Variants in CADM2 observed in about 807,000 individuals in gnomAD.
CADM2 encodes the protein immunoglobulin superfamily member 4D.
CADM2 carries 12 observed loss-of-function variants against 49.8 expected under a neutral mutation model. The ratio of observed to expected loss-of-function variants is 0.24; its 90% CI spans 0.15 to 0.39. CADM2 has a LOEUF of 0.39. Ranked by LOEUF, CADM2 falls within the 10% of genes least tolerant of loss-of-function variation. The probability of loss-of-function intolerance (pLI) is 1.00; values close to 1 mark genes in which losing one functional copy is unlikely to be tolerated. For synonymous variants in CADM2, 214 were observed against 175.4 expected, an observed-to-expected ratio of 1.22 and a Z score of -1.74; for missense variants, 378 against 492.3, an observed-to-expected ratio of 0.77 and a Z score of 2.20.
chr3:85,841,869 A>G (rs2074653779), intron 3 of CADM2, among the ~76,000 whole-genome samples: 1 of 151,930 alleles, frequency 6.6e-6, no homozygotes, highest in Non-Finnish European at 1.5e-5. Flanking sequence ...TAATTTGTCT[A>G]ATTTCCTTGG....
Position 86,068,386 on chromosome 3 carries a change from T to TA in CADM2, c.*1610dup, listed in dbSNP as rs1007470943. The TA allele has an allele frequency of 2.0e-5, 3 of 151,912 alleles. No individual in the cohort carries two copies. The highest frequency in any genetic ancestry group is 7.2e-5 in the African/African-American group (3 of 41,428). 9.4% of individuals were successfully genotyped at this position (151,912 alleles called of 1,614,324 possible). ...TAAAGAATAAAACTCCAGTTAGATT[T>TA]AAAAAAATCCCATTTACAAGCATTG... On this transcript the variant is annotated 3_prime_UTR_variant, in exon 10 of 10. Coordinates refer to ENST00000383699, the MANE Select transcript of CADM2 (RefSeq NM_001167675.2).
intron 1 of CADM2, among the ~76,000 whole-genome samples, chr3:85,178,168 T>C (rs2040835172): frequency 6.6e-6 from 1 of 151,928 alleles, no homozygotes; most frequent in Non-Finnish European, 1.5e-5. Flanking sequence ...TTTTCCTTCA[T>C]ATATATGGGT....
chr3:85,569,841 A>G (rs1209349345), intron 1 of CADM2, among the ~76,000 whole-genome samples: 1 of 152,154 alleles, frequency 6.6e-6, no homozygotes, highest in African/African-American at 2.4e-5. Context: ...GGTTGGAAGG[A>G]ATTGCTGTGT....
rs3044022 is a variant in CADM2, at chr3:85,737,562, C to CTTTT, written c.88+11024_88+11027dup. ...ATTAATTTAATTCATTCTTTTCTTT[C>CTTTT]TTTTTTTTTTTTTGAGACGGAGTTT... On this transcript the variant is annotated intron_variant, in intron 2 of 9. Coordinates refer to ENST00000383699, the MANE Select transcript of CADM2 (RefSeq NM_001167675.2). 2.8e-3 allele frequency among the ~76,000 whole-genome samples: 396 copies of CTTTT among 141,786 alleles called. 4 individuals carry two copies. Among genetic ancestry groups the CTTTT allele is most frequent in the African/African-American group, 7.6e-3 (290 of 38,386 alleles). 93.0% of individuals were successfully genotyped at this position (141,786 alleles called of 152,430 possible).
chr3:85,451,360 T>C (rs1337625235), intron 1 of CADM2, among the ~76,000 whole-genome samples: 2 of 152,126 alleles, frequency 1.3e-5, no homozygotes, highest in Non-Finnish European at 2.9e-5. Flanking sequence ...TTAATAATAA[T>C]TGTTTTAGGA....
chr3:85,656,681 A>C (rs993321065), intron 1 of CADM2, among the ~76,000 whole-genome samples: 2 of 152,164 alleles, frequency 1.3e-5, no homozygotes, highest in African/African-American at 4.8e-5. Context: ...AATTTCATAC[A>C]TGTTCAAGAA....
chr3:85,604,561 G>A (rs116308720), intron 1 of CADM2, among the ~76,000 whole-genome samples: 1 of 151,882 alleles, frequency 6.6e-6, no homozygotes, highest in African/African-American at 2.4e-5. Context: ...CAATGAACTA[G>A]GTGCCACTGA....
chr3:85,262,650 T>A (rs1049769471), intron 1 of CADM2, among the ~76,000 whole-genome samples: 4 of 152,126 alleles, frequency 2.6e-5, no homozygotes, highest in Non-Finnish European at 4.4e-5. Flanking sequence ...AAATTGAAAC[T>A]CAGAGAGTGA....
chr3:85,554,884 T>C (rs34618947), intron 1 of CADM2, among the ~76,000 whole-genome samples: 1 of 150,084 alleles, frequency 6.7e-6, no homozygotes, highest in Non-Finnish European at 1.5e-5. Flanking sequence ...TTATTTTTAT[T>C]TTTTTTTTTT....
intron 1 of CADM2, among the ~76,000 whole-genome samples, chr3:84,968,287 C>T (rs1176010566): frequency 1.3e-5 from 2 of 151,914 alleles, no homozygotes; most frequent in Admixed American, 1.3e-4. Flanking sequence ...TACTCATGTG[C>T]AGCTTTCTTT....
At chr3:85,395,304 A>C (rs1420201455) in intron 1 of CADM2, among the ~76,000 whole-genome samples, 3 of 151,276 alleles carry the variant, frequency 2.0e-5, no homozygotes, top group Non-Finnish European at 4.4e-5. Context: ...TACAAAAAAA[A>C]AAAAAAAAAA....
At chr3:85,456,480 T>G (rs2037995330) in intron 1 of CADM2, among the ~76,000 whole-genome samples, 1 of 152,172 alleles carries the variant, frequency 6.6e-6, no homozygotes, top group Non-Finnish European at 1.5e-5. Flanking sequence ...AATGATATTC[T>G]GTGCAGTCTT....
chr3:85,068,917 G>T (rs1559644229), intron 1 of CADM2, among the ~76,000 whole-genome samples: 1 of 152,102 alleles, frequency 6.6e-6, no homozygotes, highest in Middle Eastern at 3.4e-3. Flanking sequence ...ATGTAAGCTG[G>T]ACTGAAGCCA....
At chr3:85,121,846 A>C (rs2038875376) in intron 1 of CADM2, among the ~76,000 whole-genome samples, 1 of 152,166 alleles carries the variant, frequency 6.6e-6, no homozygotes, top group Admixed American at 6.6e-5. Flanking sequence ...TTTAAAATAT[A>C]ATTAAAGTTA....
At chr3:85,149,904 C>G (rs1359025118) in intron 1 of CADM2, among the ~76,000 whole-genome samples, 2 of 152,202 alleles carry the variant, frequency 1.3e-5, no homozygotes, top group African/African-American at 4.8e-5. Flanking sequence ...ACAATTCTCT[C>G]AAACACACAG....
At chr3:85,688,579 T>TTTA (rs2066285172) in intron 1 of CADM2, among the ~76,000 whole-genome samples, 1 of 150,866 alleles carries the variant, frequency 6.6e-6, no homozygotes, top group Non-Finnish European at 1.5e-5. Context: ...TTTTTTTTTT[T>TTTA]GAGACAGTGT....
intron 1 of CADM2, among the ~76,000 whole-genome samples, chr3:85,509,403 C>T (rs1205452780): frequency 6.6e-6 from 1 of 152,102 alleles, no homozygotes; most frequent in Non-Finnish European, 1.5e-5. Flanking sequence ...AACAATATTG[C>T]AATTTATATC....
chr3:85,302,622 T>C (rs563920444), intron 1 of CADM2, among the ~76,000 whole-genome samples: 145 of 152,146 alleles, frequency 9.5e-4, no homozygotes, highest in African/African-American at 3.4e-3. Flanking sequence ...AATTGGATAC[T>C]GCATAAACTA....
intron 1 of CADM2, among the ~76,000 whole-genome samples, chr3:84,974,762 A>G (rs908495674): frequency 6.6e-6 from 1 of 151,992 alleles, no homozygotes; most frequent in Non-Finnish European, 1.5e-5. Flanking sequence ...AGCAAGATAT[A>G]TCACACTTTA....
Sources: allele counts gnomAD v4.1 joint callset (sites outside exome capture counted in the v4.1 genomes callset), GRCh38; gene constraint gnomAD v4.1.1; transcripts MANE v1.5; gene names NCBI Gene and HGNC (gene_info 2026-07-23, HGNC 2026-07-21).